The following CDH17 variants were observed in gnomAD, a reference collection of about 807,000 sequenced individuals.
CDH17 encodes cadherin-17.
CDH17 carries 67 observed loss-of-function variants against 86.3 expected under a neutral mutation model. That is an observed-to-expected ratio of 0.78 (90% confidence interval 0.64 to 0.95). The LOEUF (loss-of-function observed/expected upper bound fraction) is 0.95. Ranked by LOEUF, CDH17 falls within the 40% of genes least tolerant of loss-of-function variation. The probability of loss-of-function intolerance (pLI) is 0.00; values close to 1 mark genes in which losing one functional copy is unlikely to be tolerated. For missense variants in CDH17, 993 were observed against 1,017.6 expected (o/e 0.98, Z 0.33); for synonymous variants, 367 against 366.4 (o/e 1.00, Z -0.02).
At chr8:94,204,865 G>T (rs924056899) in intron 1 of CDH17, among the ~76,000 whole-genome samples, 1 of 152,170 alleles carries the variant, frequency 6.6e-6, no homozygotes, top group African/African-American at 2.4e-5. Flanking sequence ...ATGGAAGGGG[G>T]GCCAGAGCAG....
intron 3 of CDH17, among the ~76,000 whole-genome samples, chr8:94,183,322 T>A (rs990407311): frequency 1.1e-4 from 17 of 152,054 alleles, no homozygotes; most frequent in Non-Finnish European, 2.1e-4. Flanking sequence ...GACTTAACGT[T>A]CTCTAATTTC....
upstream of CDH17, among the ~76,000 whole-genome samples, chr8:94,210,293 T>C (rs1814102739): frequency 6.7e-6 from 1 of 149,704 alleles, no homozygotes; most frequent in African/African-American, 2.5e-5. Flanking sequence ...CCATTCCTGT[T>C]GGAAGATGGC....
In CDH17 at chr8:94,174,249, A is replaced by G. The variant is rs1406660966; in HGVS notation, c.436T>C (p.Leu146=). The change falls in exon 6 of 18, where the codon TTG becomes CTG. Residue 146 remains leucine (L), a synonymous_variant. Transcript: ENST00000027335. ...RQNSRPGKPF[L]YVNATDLDDP... ...TCCAGGTCTGTGGCATTGACATACA[A>G]GAAGGGCTTTCCTGTTTAACAAGAC... 1.9e-6 allele frequency: 3 copies of G among 1,609,674 alleles called. No homozygotes were observed. The Admixed American group carries it at 5.1e-5, about 27-fold the overall frequency.
intron 12 of CDH17, among the ~76,000 whole-genome samples, chr8:94,154,103 A>G (rs1330725383): frequency 6.6e-6 from 1 of 152,206 alleles, no homozygotes; most frequent in Non-Finnish European, 1.5e-5. Flanking sequence ...TCATTCTACA[A>G]TGTATGTATA....
chr8:94,130,047 A>T (rs1313153114), intron 17 of CDH17, among the ~76,000 whole-genome samples: 1 of 152,224 alleles, frequency 6.6e-6, no homozygotes, highest in African/African-American at 2.4e-5. Flanking sequence ...TGCAAAAAAG[A>T]AAAAGACAGC....
At chr8:94,197,346 AAAAAT>A (rs1449202847) in intron 1 of CDH17, 1 of 152,184 alleles carries the variant, frequency 6.6e-6, no homozygotes, top group African/African-American at 2.4e-5. Flanking sequence ...CTCAAAAAAT[AAAAAT>A]AAATAATAAA....
At chr8:94,140,997 T>C (rs1438875247) in intron 15 of CDH17, among the ~76,000 whole-genome samples, 3 of 152,096 alleles carry the variant, frequency 2.0e-5, no homozygotes, top group Admixed American at 6.5e-5. Context: ...GATAAAGAGG[T>C]GGAATGCTTC....
intron 14 of CDH17, among the ~76,000 whole-genome samples, 173 bp from the exon 15 acceptor site, chr8:94,146,340 C>A (rs926958794): frequency 6.6e-6 from 1 of 152,158 alleles, no homozygotes; most frequent in South Asian, 2.1e-4. Context: ...TCTTACTGAC[C>A]ATCATAATAA....
At chr8:94,198,932 G>T (rs1432097925) in intron 1 of CDH17, among the ~76,000 whole-genome samples, 11 of 151,476 alleles carry the variant, frequency 7.3e-5, no homozygotes, top group Non-Finnish European at 1.6e-4. Flanking sequence ...ACCAAAATAA[G>T]GGGTACAGGT....
chr8:94,141,160 C>T (rs1812629235), intron 15 of CDH17, among the ~76,000 whole-genome samples: 3 of 151,522 alleles, frequency 2.0e-5, no homozygotes, highest in Admixed American at 2.0e-4. Context: ...TTTTTAGATT[C>T]AAAAGTTGAT....
intron 5 of CDH17, among the ~76,000 whole-genome samples, chr8:94,175,625 G>A (rs1014598198): frequency 1.3e-5 from 2 of 152,076 alleles, no homozygotes; most frequent in Non-Finnish European, 2.9e-5. Context: ...CTCCTTCCTA[G>A]GTGCCTGCTG....
rs371037813 is a variant in CDH17 at position 94,128,025 on chromosome 8, G to A, written c.*215C>T. 1.7e-4 allele frequency: 74 copies of A among 425,628 alleles called. No homozygotes were observed. Among genetic ancestry groups the A allele is most frequent in the African/African-American group, 1.1e-3 (54 of 48,476 alleles). The allele number at this position is 425,628 out of a possible 1,614,324, so 26.4% of individuals were successfully genotyped here. On this transcript the variant is annotated 3_prime_UTR_variant, in exon 18 of 18. Coordinates refer to ENST00000027335, the MANE Select transcript of CDH17 (RefSeq NM_004063.4). ...GGAGAATCATGTGAACCCAGGAGGC[G>A]GAGGTTGCAGTGAGCTGGGATCACA...
chr8:94,169,266 T>C (rs1345026594), intron 9 of CDH17, among the ~76,000 whole-genome samples: 1 of 152,152 alleles, frequency 6.6e-6, no homozygotes, highest in African/African-American at 2.4e-5. Context: ...AGATTCTTCC[T>C]TATAACGAAC....
intron 15 of CDH17, among the ~76,000 whole-genome samples, chr8:94,138,348 C>T (rs572450615): frequency 6.6e-6 from 1 of 152,056 alleles, no homozygotes; most frequent in East Asian, 1.9e-4. Flanking sequence ...ATATATTAGG[C>T]AATGGACAGT....
At position 94,127,717 on chromosome 8, in the gene CDH17, C is replaced by A. The variant is rs1812328931; in HGVS notation, c.*523G>T. ...CAGAATATTTAATGAGTCTGTCTTG[C>A]CCCAAAAGGGAAAAACACAAGTAGC... On this transcript the variant is annotated 3_prime_UTR_variant, in exon 18 of 18. Coordinates refer to ENST00000027335, the MANE Select transcript of CDH17 (RefSeq NM_004063.4). 6.5e-6 allele frequency: 1 copy of A among 153,040 alleles called. No individual in the cohort carries two copies. The highest frequency in any genetic ancestry group is 1.5e-5 in the Non-Finnish European group (1 of 68,624). 9.5% of individuals were successfully genotyped at this position (153,040 alleles called of 1,614,324 possible). A position where few individuals can be genotyped will look rare whatever the true frequency, so the allele number is the denominator to read the frequency against.
chr8:94,161,937 A>G, intron 11 of CDH17, 149 bp downstream of exon 11: 1 of 523,580 alleles, frequency 1.9e-6, no homozygotes, highest in Non-Finnish European at 3.5e-6. Flanking sequence ...AGTTCCACTG[A>G]AGATGGCATC....
At chr8:94,206,352 G>A (rs1230000049) in intron 1 of CDH17, among the ~76,000 whole-genome samples, 12 of 152,098 alleles carry the variant, frequency 7.9e-5, no homozygotes, top group East Asian at 5.8e-4. Context: ...GATAATCAAC[G>A]AGCAGTTACA....
intron 10 of CDH17, among the ~76,000 whole-genome samples, chr8:94,163,684 A>G (rs1399555479): frequency 4.6e-5 from 7 of 152,210 alleles, no homozygotes; most frequent in African/African-American, 1.7e-4. Context: ...ATCCTGACTA[A>G]TATTCCCAGG....
intron 15 of CDH17, among the ~76,000 whole-genome samples, chr8:94,137,836 A>G (rs2130577394): frequency 6.6e-6 from 1 of 152,346 alleles, no homozygotes; most frequent in Admixed American, 6.5e-5. Context: ...TACAAATTTT[A>G]TCATGTAGAT....
Sources: gnomAD v4.1 joint callset for allele counts (sites outside exome capture counted in the v4.1 genomes callset) on GRCh38, gnomAD v4.1.1 for gene constraint, MANE v1.5 for transcripts, NCBI Gene and HGNC (gene_info 2026-07-23, HGNC 2026-07-21) for gene names.